UNC5C: variants seen among roughly 807,000 people sequenced by gnomAD.
UNC5C encodes the protein netrin receptor UNC5C.
In UNC5C, 47 loss-of-function variants were observed where a neutral mutation model predicts 99.8. That is an observed-to-expected ratio of 0.47 (90% CI 0.37 to 0.60). UNC5C has a LOEUF of 0.60. Among genes scored for constraint, UNC5C ranks in the 20% least tolerant of loss-of-function variants. The probability of loss-of-function intolerance (pLI) is 0.00; values close to 1 mark genes in which losing one functional copy is unlikely to be tolerated. For synonymous variants in UNC5C, 487 were observed against 452.2 expected (o/e 1.08, Z -0.98); for missense variants, 1,062 against 1,165.9 (o/e 0.91, Z 1.30).
At chr4:95,371,249 C>A (rs1305300820) in intron 1 of UNC5C, among the ~76,000 whole-genome samples, 1 of 151,984 alleles carries the variant, frequency 6.6e-6, no homozygotes, top group Non-Finnish European at 1.5e-5. Flanking sequence ...TAGGTTATAT[C>A]TTGACAGAAA....
intron 1 of UNC5C, among the ~76,000 whole-genome samples, chr4:95,539,079 A>C (rs555189488): frequency 2.0e-5 from 3 of 152,178 alleles, no homozygotes; most frequent in South Asian, 2.1e-4. Context: ...CCTCTTCTTC[A>C]ATCAGCCCAC....
chr4:95,278,578 G>C (rs11097461), intron 3 of UNC5C, among the ~76,000 whole-genome samples: 62,098 of 151,548 alleles, frequency 0.41, 14,289 homozygotes, highest in Middle Eastern at 0.54. Context: ...GGGCTCAAGC[G>C]ATCCTCCTGC....
chr4:95,442,911 A>G (rs1163607207), intron 1 of UNC5C, among the ~76,000 whole-genome samples: 2 of 152,110 alleles, frequency 1.3e-5, no homozygotes, highest in African/African-American at 4.8e-5. Context: ...ATTTATCATA[A>G]TGGTAACGCT....
intron 14 of UNC5C, among the ~76,000 whole-genome samples, chr4:95,178,610 C>G (rs1407001240): frequency 1.3e-5 from 2 of 152,200 alleles, no homozygotes; most frequent in Non-Finnish European, 2.9e-5. Flanking sequence ...GAAGATGAAG[C>G]CAACCTCTGA....
Position 95,472,133 on chromosome 4 carries a change from A to G in UNC5C, c.124+76601T>C, listed in dbSNP as rs183801051. ...TATCAAACAAGATATTAAAGAGACA[A>G]ACTAGAAAATATTTCATAACTTCCA... On this transcript the variant is annotated intron_variant, in intron 1 of 15. Transcript: ENST00000453304. Among the ~76,000 whole-genome samples the G allele has an allele frequency of 7.1e-4, 108 of 152,288 alleles. 1 individual carries two copies. The South Asian group carries it at 7.9e-3, about 11-fold the overall frequency.
chr4:95,502,829 G>C (rs1167256859), intron 1 of UNC5C, among the ~76,000 whole-genome samples: 1 of 151,994 alleles, frequency 6.6e-6, no homozygotes, highest in Non-Finnish European at 1.5e-5. Flanking sequence ...TATTATAGTG[G>C]TATTAACTAT....
In UNC5C at chr4:95,242,602, G is replaced by T; in HGVS notation, c.944-9C>A. 1 of 1,555,342 alleles carries T rather than the reference G, an allele frequency of 6.4e-7. No individual in the cohort carries two copies. Among genetic ancestry groups the T allele is most frequent in the Non-Finnish European group, 8.7e-7 (1 of 1,148,300 alleles). ...CGTCCACCTGCCATCCACTGCCATGGAAAAAATGCAGCAGGAGGTCAGAGG... is the reference window on the plus strand; with the variant it reads ...CGTCCACCTGCCATCCACTGCCATGTAAAAAATGCAGCAGGAGGTCAGAGG... On this transcript the variant is annotated splice_polypyrimidine_tract_variant and intron_variant, in intron 6 of 15. Coordinates refer to ENST00000453304, the MANE Select transcript of UNC5C (RefSeq NM_003728.4).
Position 95,548,910 on chromosome 4 carries a change from C to T in UNC5C, c.-53G>A. On this transcript the variant is annotated 5_prime_UTR_variant, in exon 1 of 16. Coordinates refer to ENST00000453304, the MANE Select transcript of UNC5C (RefSeq NM_003728.4). Reference sequence around the variant, plus strand: ...GGAGGGGGACAGAGAGACGCGCAAACAGCTGAAAGCCCCACTGGGCAGAAG... The same window carrying T: ...GGAGGGGGACAGAGAGACGCGCAAATAGCTGAAAGCCCCACTGGGCAGAAG... The T allele has an allele frequency of 6.2e-7, 1 of 1,603,798 alleles. No individual in the cohort carries two copies. Among genetic ancestry groups the T allele is most frequent in the Non-Finnish European group, 8.5e-7 (1 of 1,174,836 alleles).
At chr4:95,537,841 GTGTT>G (rs2149494930) in intron 1 of UNC5C, among the ~76,000 whole-genome samples, 1 of 152,166 alleles carries the variant, frequency 6.6e-6, no homozygotes, top group East Asian at 1.9e-4. Flanking sequence ...ACACATAACA[GTGTT>G]TGGGGTGGGG....
At chr4:95,394,350 C>T (rs962065763) in intron 1 of UNC5C, among the ~76,000 whole-genome samples, 1 of 151,908 alleles carries the variant, frequency 6.6e-6, no homozygotes, top group African/African-American at 2.4e-5. Context: ...GTAGTCAGAT[C>T]CTCCTTATTC....
intron 1 of UNC5C, among the ~76,000 whole-genome samples, chr4:95,406,314 G>T (rs1265795031): frequency 6.6e-6 from 1 of 152,102 alleles, no homozygotes; most frequent in African/African-American, 2.4e-5. Context: ...CACTAATGTT[G>T]GGTTGGGTGA....
At chr4:95,193,369 G>A (rs1207297488) in intron 12 of UNC5C, among the ~76,000 whole-genome samples, 1 of 152,154 alleles carries the variant, frequency 6.6e-6, no homozygotes. Flanking sequence ...AGATAGAACC[G>A]CTCTCCGTGC....
intron 7 of UNC5C, among the ~76,000 whole-genome samples, chr4:95,231,696 A>G (rs1237814085): frequency 6.6e-6 from 1 of 152,052 alleles, no homozygotes; most frequent in East Asian, 1.9e-4. Flanking sequence ...ACATGTCCAG[A>G]TTTTCTTTTA....
At chr4:95,428,211 A>G (rs1746538523) in intron 1 of UNC5C, among the ~76,000 whole-genome samples, 1 of 152,072 alleles carries the variant, frequency 6.6e-6, no homozygotes, top group Non-Finnish European at 1.5e-5. Flanking sequence ...AGGGCAGAAA[A>G]TTGTAATTCT....
chr4:95,487,548 T>C (rs752287905), intron 1 of UNC5C, among the ~76,000 whole-genome samples: 4 of 151,814 alleles, frequency 2.6e-5, no homozygotes, highest in Non-Finnish European at 5.9e-5. Flanking sequence ...TTAGACTGTT[T>C]TGATTTATGA....
In UNC5C at chr4:95,362,112, A is replaced by C. The variant is rs531502551; in HGVS notation, c.125-26481T>G. On this transcript the variant is annotated intron_variant, in intron 1 of 15. Coordinates refer to ENST00000453304, the MANE Select transcript of UNC5C (RefSeq NM_003728.4). ...ATGTCTTCTCTGAGCCCTAGTTTCA[A>C]CACCTGTTAAATGAGGAATGATGTC... Among the ~76,000 whole-genome samples, 24 of 152,220 alleles carry C rather than the reference A, an allele frequency of 1.6e-4. No individual in the cohort carries two copies. The South Asian group carries it at 4.4e-3, about 28-fold the overall frequency.
chr4:95,271,863 C>T (rs1182318750), intron 4 of UNC5C, among the ~76,000 whole-genome samples: 1 of 152,192 alleles, frequency 6.6e-6, no homozygotes, highest in African/African-American at 2.4e-5. Context: ...TCTTTCCTGA[C>T]TGAATGTCGT....
chr4:95,210,545 C>G (rs1405261108), intron 10 of UNC5C, among the ~76,000 whole-genome samples: 1 of 152,066 alleles, frequency 6.6e-6, no homozygotes, highest in Admixed American at 6.6e-5. Flanking sequence ...AAGGACTTCT[C>G]TATGTCTCAT....
At chr4:95,313,533 C>G (rs901819673) in intron 2 of UNC5C, among the ~76,000 whole-genome samples, 1 of 152,200 alleles carries the variant, frequency 6.6e-6, no homozygotes, top group African/African-American at 2.4e-5. Flanking sequence ...CACTGTCTGA[C>G]AGTGGAAACC....
Sources: gnomAD v4.1 joint callset for allele counts (sites outside exome capture counted in the v4.1 genomes callset) on GRCh38, gnomAD v4.1.1 for gene constraint, MANE v1.5 for transcripts, NCBI Gene and HGNC (gene_info 2026-07-23, HGNC 2026-07-21) for gene names.